Variants in ATP11A observed in about 807,000 individuals in gnomAD.
ATP11A encodes phospholipid-transporting ATPase IH.
Under a neutral mutation model 154.4 loss-of-function variants are expected in ATP11A, and 81 were observed. That is an observed-to-expected ratio of 0.52 (90% CI 0.44 to 0.63). ATP11A has a LOEUF of 0.63. ATP11A is among the 30% of genes least tolerant of loss of function. The pLI is 0.00. For synonymous variants in ATP11A, 623 were observed against 585.9 expected (o/e 1.06, Z -0.91); for missense variants, 1,316 against 1,474.3 (o/e 0.89, Z 1.76).
rs141106636 is a variant in ATP11A, at chr13:112,701,659, C to T, written c.39+11204C>T. Among the ~76,000 whole-genome samples the T allele has an allele frequency of 9.1e-4, 138 of 152,168 alleles. 2 individuals carry two copies. The East Asian group carries it at 0.024, about 27-fold the overall frequency. On this transcript the variant is annotated intron_variant, in intron 1 of 29. Coordinates refer to ENST00000375645, the MANE Select transcript of ATP11A (RefSeq NM_015205.3). The stretch of plus-strand genomic sequence containing the variant: ...CATCCTGGCTAACACGATGAAACCC[C>T]GTCTTTCCTAAAAATACAAAAAAAT...
At chr13:112,693,385 A>T (rs1445830428) in intron 1 of ATP11A, among the ~76,000 whole-genome samples, 2 of 144,020 alleles carry the variant, frequency 1.4e-5, no homozygotes, top group African/African-American at 2.6e-5. Context: ...GGGGTAGTGT[A>T]TGCTCCCTAG....
At chr13:112,869,919 T>C (rs2080458322) in intron 25 of ATP11A, among the ~76,000 whole-genome samples, 1 of 152,212 alleles carries the variant, frequency 6.6e-6, no homozygotes, top group Admixed American at 6.5e-5. Flanking sequence ...CTGCTGACAT[T>C]GGGGCCAGAT....
chr13:112,766,040 C>T (rs976144264), intron 1 of ATP11A, among the ~76,000 whole-genome samples: 4 of 152,306 alleles, frequency 2.6e-5, no homozygotes, highest in East Asian at 1.9e-4. Context: ...CCCCCTGTCA[C>T]GGGTTGTAGA....
intron 1 of ATP11A, among the ~76,000 whole-genome samples, chr13:112,770,859 C>T (rs1043482699): frequency 1.3e-5 from 2 of 152,196 alleles, no homozygotes; most frequent in Admixed American, 6.5e-5. Flanking sequence ...AAACAAGAAA[C>T]GTTGCTGTTT....
chr13:112,814,854 T>C (rs2078598841), intron 5 of ATP11A, among the ~76,000 whole-genome samples: 1 of 152,220 alleles, frequency 6.6e-6, no homozygotes, highest in Admixed American at 6.5e-5. Context: ...CCTTCCCATA[T>C]AAGTTTTAGA....
intron 5 of ATP11A, 91 bp from the exon 6 acceptor site, chr13:112,815,992 G>A: frequency 1.9e-6 from 3 of 1,557,188 alleles, no homozygotes; most frequent in Middle Eastern, 2.1e-4. Context: ...CCTGTGAATA[G>A]ATGAGCAGCT....
intron 1 of ATP11A, among the ~76,000 whole-genome samples, chr13:112,774,971 A>G (rs764902688): frequency 1.2e-4 from 19 of 152,110 alleles, no homozygotes; most frequent in Non-Finnish European, 2.5e-4. Flanking sequence ...TGGGGAATGG[A>G]GGCTTTGTTG....
chr13:112,855,906 A>G lies in ATP11A; in HGVS notation c.2244-5A>G, dbSNP rs1178973284. ...GCAATCTTTCTGACTCACGTACTCT[A>G]ACAGACTTTCAGCAGATATGCAGGA... On this transcript the variant is annotated splice_region_variant and splice_polypyrimidine_tract_variant and intron_variant, in intron 19 of 29. Transcript: ENST00000375645. 8.1e-6 allele frequency: 13 copies of G among 1,604,696 alleles called. No homozygotes were observed. The highest frequency in any genetic ancestry group is 1.0e-5 in the Non-Finnish European group (12 of 1,173,670).
At chr13:112,830,842 A>G (rs1661534012) in intron 12 of ATP11A, among the ~76,000 whole-genome samples, 1 of 152,196 alleles carries the variant, frequency 6.6e-6, no homozygotes, top group Admixed American at 6.5e-5. Context: ...TCTTTAACAC[A>G]TATCACAGTT....
intron 28 of ATP11A, among the ~76,000 whole-genome samples, chr13:112,877,731 A>C (rs1465772803): frequency 1.3e-5 from 2 of 152,312 alleles, no homozygotes; most frequent in East Asian, 3.9e-4. Flanking sequence ...CTCTCCCCGC[A>C]GGAGTCTGGG....
rs1420507361 is a variant in ATP11A at position 112,826,907 on chromosome 13, G to A, written c.1221+16G>A. The A allele has an allele frequency of 1.2e-6, 2 of 1,613,828 alleles. No individual in the cohort carries two copies. Among genetic ancestry groups the A allele is most frequent in the Admixed American group, 1.7e-5 (1 of 60,014 alleles). Reference sequence around the variant, plus strand: ...GCTGGGACAGGTTGGTGTCTCCTGAGTCATCTGCTGTGATTTATTAACATC... The same window carrying A: ...GCTGGGACAGGTTGGTGTCTCCTGAATCATCTGCTGTGATTTATTAACATC... On this transcript the variant is annotated intron_variant, in intron 12 of 29. Transcript: ENST00000375645.
At chr13:112,876,437 G>T (rs1451176742) in intron 28 of ATP11A, among the ~76,000 whole-genome samples, 1 of 151,960 alleles carries the variant, frequency 6.6e-6, no homozygotes, top group East Asian at 2.0e-4. Context: ...GCAGGGTTTG[G>T]CAGGTGTGAG....
intron 1 of ATP11A, among the ~76,000 whole-genome samples, chr13:112,765,810 T>C (rs1231331847): frequency 1.3e-5 from 2 of 152,272 alleles, no homozygotes; most frequent in Non-Finnish European, 2.9e-5. Context: ...TAATTCTCGC[T>C]GCAGAGCTTA....
intron 1 of ATP11A, among the ~76,000 whole-genome samples, chr13:112,743,278 G>A (rs1222754113): frequency 3.9e-5 from 6 of 152,176 alleles, no homozygotes; most frequent in Non-Finnish European, 5.9e-5. Flanking sequence ...AATAGAATGG[G>A]CTGAGGGAGG....
At chr13:112,854,128 C>T (rs978850205) in intron 18 of ATP11A, 151 bp from the exon 19 acceptor site, 2 of 998,820 alleles carry the variant, frequency 2.0e-6, no homozygotes, top group Admixed American at 2.5e-5. Flanking sequence ...TTCAGTACTT[C>T]GTGGTGAGAT....
At chr13:112,858,407 A>G (rs545507214) in intron 22 of ATP11A, 117 bp downstream of exon 22, 5 of 1,113,544 alleles carry the variant, frequency 4.5e-6, no homozygotes, top group South Asian at 1.8e-5. Context: ...AGGAGCAGCA[A>G]CTGTCAGAAA....
chr13:112,844,400 GAC>G (rs2140299553), intron 17 of ATP11A, among the ~76,000 whole-genome samples: 1 of 152,318 alleles, frequency 6.6e-6, no homozygotes, highest in African/African-American at 2.4e-5. Flanking sequence ...CAAGGGCATT[GAC>G]ACACGAACAC....
intron 2 of ATP11A, among the ~76,000 whole-genome samples, chr13:112,802,372 A>G (rs763621921): frequency 2.0e-5 from 3 of 152,072 alleles, no homozygotes; most frequent in Non-Finnish European, 4.4e-5. Flanking sequence ...AGAATAGACA[A>G]ATAGATCAAT....
At chr13:112,850,677 A>AC (rs1463462690) in intron 17 of ATP11A, among the ~76,000 whole-genome samples, 2 of 152,128 alleles carry the variant, frequency 1.3e-5, no homozygotes, top group African/African-American at 4.8e-5. Flanking sequence ...TAAAAAAAAA[A>AC]GGTTAAATTT....
Sources: gnomAD v4.1 joint callset for allele counts (sites outside exome capture counted in the v4.1 genomes callset) on GRCh38, gnomAD v4.1.1 for gene constraint, MANE v1.5 for transcripts, NCBI Gene and HGNC (gene_info 2026-07-23, HGNC 2026-07-21) for gene names.